The following ARHGAP24 variants were observed in gnomAD, a reference collection of about 807,000 sequenced individuals.
The protein encoded by ARHGAP24 is Rho GTPase activating protein 24.
ARHGAP24 carries 50 observed loss-of-function variants against 76.4 expected under a neutral mutation model. The ratio of observed to expected loss-of-function variants is 0.65; its 90% confidence interval spans 0.52 to 0.83. The LOEUF (loss-of-function observed/expected upper bound fraction) is 0.83. Among genes scored for constraint, ARHGAP24 ranks in the 40% least tolerant of loss-of-function variants. ARHGAP24 has a pLI of 0.00. For missense variants in ARHGAP24, 930 were observed against 914.2 expected (o/e 1.02, Z -0.22); for synonymous variants, 345 against 323.3 (o/e 1.07, Z -0.72).
At chr4:85,807,278 G>T (rs1728830778) in intron 3 of ARHGAP24, among the ~76,000 whole-genome samples, 2 of 138,866 alleles carry the variant, frequency 1.4e-5, no homozygotes, top group African/African-American at 5.4e-5. Context: ...ACCCCCAACA[G>T]ACCCCAGTGT....
intron 2 of ARHGAP24, among the ~76,000 whole-genome samples, chr4:85,627,413 T>TA (rs1461063831): frequency 1.3e-5 from 2 of 152,282 alleles, no homozygotes; most frequent in African/African-American, 4.8e-5. Flanking sequence ...CAAATGCTGT[T>TA]GCCTGATCAT....
chr4:85,576,254 G>A (rs10011266), intron 2 of ARHGAP24, among the ~76,000 whole-genome samples: 2,487 of 151,994 alleles, frequency 0.016, 75 homozygotes, highest in African/African-American at 0.056. Flanking sequence ...GTGAAACCCC[G>A]TCTCTACTAA....
At chr4:85,536,114 TATAATC>T (rs758856705) in intron 1 of ARHGAP24, among the ~76,000 whole-genome samples, 1 of 151,970 alleles carries the variant, frequency 6.6e-6, no homozygotes, top group Non-Finnish European at 1.5e-5. Flanking sequence ...AGTTGAGTGA[TATAATC>T]AGAATCCTTA....
chr4:85,833,625 G>T (rs1038962304), intron 3 of ARHGAP24, among the ~76,000 whole-genome samples: 1 of 152,174 alleles, frequency 6.6e-6, no homozygotes, highest in African/African-American at 2.4e-5. Context: ...TTGAAAAATT[G>T]CAAAGGACTA....
intron 2 of ARHGAP24, among the ~76,000 whole-genome samples, chr4:85,591,043 T>G (rs899341161): frequency 1.6e-4 from 21 of 132,796 alleles, no homozygotes; most frequent in Non-Finnish European, 2.7e-4. Flanking sequence ...TTTTTTTTTT[T>G]TTTTTTTTTT....
In ARHGAP24 at chr4:85,623,664, C is replaced by G. The variant is rs1578086414; in HGVS notation, c.180+52943C>G. On this transcript the variant is annotated intron_variant, in intron 2 of 9. Coordinates refer to ENST00000395184, the MANE Select transcript of ARHGAP24 (RefSeq NM_001025616.3). ...TAGCTTGATGGGGATGGCATTGAAT[C>G]TATAAATTACCATGGGCAGTATGGC... Among the ~76,000 whole-genome samples the G allele has an allele frequency of 6.6e-5, 10 of 151,720 alleles. No individual in the cohort carries two copies. The South Asian group carries it at 2.1e-3, about 32-fold the overall frequency.
intron 3 of ARHGAP24, among the ~76,000 whole-genome samples, chr4:85,911,545 G>A (rs1326042028): frequency 2.0e-5 from 3 of 152,160 alleles, no homozygotes; most frequent in East Asian, 1.9e-4. Context: ...AAGTTTTATC[G>A]TATTTGCTGA....
chr4:85,581,518 G>C (rs1727608664), intron 2 of ARHGAP24, among the ~76,000 whole-genome samples: 1 of 152,136 alleles, frequency 6.6e-6, no homozygotes, highest in African/African-American at 2.4e-5. Context: ...ATGGATAAGA[G>C]CTCACTGACT....
At chr4:85,935,932 TC>T (rs1276897793) in intron 4 of ARHGAP24, among the ~76,000 whole-genome samples, 1 of 152,212 alleles carries the variant, frequency 6.6e-6, no homozygotes, top group Non-Finnish European at 1.5e-5. Flanking sequence ...GACCCTGAGC[TC>T]CTTGGAGTAA....
At chr4:85,828,762 C>G (rs1385841918) in intron 3 of ARHGAP24, among the ~76,000 whole-genome samples, 1 of 152,090 alleles carries the variant, frequency 6.6e-6, no homozygotes, top group East Asian at 1.9e-4. Context: ...CTTGGGTTAA[C>G]AGACCTTAAT....
intron 3 of ARHGAP24, among the ~76,000 whole-genome samples, chr4:85,743,560 C>G (rs1725912768): frequency 6.6e-6 from 1 of 151,326 alleles, no homozygotes; most frequent in Non-Finnish European, 1.5e-5. Flanking sequence ...AGGGCGAGAT[C>G]CTGTCTCAAA....
intron 5 of ARHGAP24, among the ~76,000 whole-genome samples, chr4:85,955,616 T>G (rs1451008091): frequency 6.6e-6 from 1 of 152,158 alleles, no homozygotes; most frequent in Non-Finnish European, 1.5e-5. Flanking sequence ...TCCCAGGTAA[T>G]TCTTATATGC....
intron 2 of ARHGAP24, among the ~76,000 whole-genome samples, chr4:85,627,767 T>C (rs1396725329): frequency 6.6e-6 from 1 of 152,206 alleles, no homozygotes; most frequent in African/African-American, 2.4e-5. Context: ...AACAACTAAC[T>C]GGGCCATGGC....
chr4:85,755,626 G>GTTTTTTTT (rs111410344), intron 3 of ARHGAP24, among the ~76,000 whole-genome samples: 3,512 of 117,216 alleles, frequency 0.03, 1,338 homozygotes, highest in Non-Finnish European at 0.047. Context: ...CTATTCTTTT[G>GTTTTTTTT]TTTTGTTTTG....
intron 2 of ARHGAP24, among the ~76,000 whole-genome samples, chr4:85,661,171 T>G (rs190544474): frequency 1.9e-3 from 283 of 152,326 alleles, no homozygotes; most frequent in African/African-American, 6.4e-3. Context: ...TGCAGTTGAA[T>G]GCAGTGAGTG....
chr4:85,532,750 G>GAAAAC (rs947698059), intron 1 of ARHGAP24, among the ~76,000 whole-genome samples: 1 of 152,126 alleles, frequency 6.6e-6, no homozygotes, highest in African/African-American at 2.4e-5. Flanking sequence ...CTTGCTGCAT[G>GAAAAC]AAAACAAACT....
intron 3 of ARHGAP24, among the ~76,000 whole-genome samples, chr4:85,783,423 G>GT (rs1475090596): frequency 6.6e-6 from 1 of 151,662 alleles, no homozygotes; most frequent in African/African-American, 2.4e-5. Flanking sequence ...TTGCTCATTT[G>GT]ATTATTTCAG....
chr4:85,848,709 T>C (rs1184033679), intron 3 of ARHGAP24, among the ~76,000 whole-genome samples: 1 of 152,206 alleles, frequency 6.6e-6, no homozygotes, highest in Non-Finnish European at 1.5e-5. Context: ...AGGGAATCTT[T>C]TCCCCATTTC....
chr4:85,813,661 G>A (rs1578253589), intron 3 of ARHGAP24, among the ~76,000 whole-genome samples: 1 of 151,410 alleles, frequency 6.6e-6, no homozygotes, highest in African/African-American at 2.4e-5. Context: ...TCCCCCCACT[G>A]CCAGCTTTAT....
Sources: allele counts gnomAD v4.1 joint callset (sites outside exome capture counted in the v4.1 genomes callset), GRCh38; gene constraint gnomAD v4.1.1; transcripts MANE v1.5; gene names NCBI Gene and HGNC (gene_info 2026-07-23, HGNC 2026-07-21).